GRID2: variants seen among roughly 807,000 people sequenced by gnomAD.
GRID2 encodes glutamate ionotropic receptor delta type subunit 2, also known as glutamate receptor ionotropic, delta-2.
Under a neutral mutation model 114.8 loss-of-function variants are expected in GRID2, and 33 were observed. The ratio of observed to expected loss-of-function variants is 0.29; its 90% confidence interval spans 0.22 to 0.38. The LOEUF (loss-of-function observed/expected upper bound fraction) is 0.38. Ranked by LOEUF, GRID2 falls within the 10% of genes least tolerant of loss-of-function variation. The probability of loss-of-function intolerance (pLI) is 1.00; values close to 1 mark genes in which losing one functional copy is unlikely to be tolerated. For synonymous variants in GRID2, 505 were observed against 449.9 expected (o/e 1.12, Z -1.55); for missense variants, 1,184 against 1,257.7 (o/e 0.94, Z 0.89).
intron 13 of GRID2, among the ~76,000 whole-genome samples, chr4:93,554,978 C>T (rs1734165742): frequency 1.3e-5 from 2 of 152,106 alleles, no homozygotes; most frequent in Non-Finnish European, 2.9e-5. Context: ...CAGGGTTGGG[C>T]ATCACCTCAC....
intron 1 of GRID2, among the ~76,000 whole-genome samples, chr4:93,800,208 A>C (rs1734901125): frequency 6.6e-6 from 1 of 152,228 alleles, no homozygotes; most frequent in Non-Finnish European, 1.5e-5. Flanking sequence ...ATGATATGAC[A>C]ATCAGCACGA....
intron 1 of GRID2, among the ~76,000 whole-genome samples, chr4:92,418,704 A>G (rs2110318892): frequency 6.6e-6 from 1 of 152,238 alleles, no homozygotes; most frequent in East Asian, 1.9e-4. Flanking sequence ...GATATCATTC[A>G]TCAAGTTTGG....
At chr4:92,475,811 C>A (rs1445874375) in intron 1 of GRID2, among the ~76,000 whole-genome samples, 1 of 151,796 alleles carries the variant, frequency 6.6e-6, no homozygotes, top group East Asian at 1.9e-4. Flanking sequence ...ATGTGATATC[C>A]TTTCATTTAT....
chr4:92,884,025 G>A (rs1485158372), intron 2 of GRID2, among the ~76,000 whole-genome samples: 1 of 152,150 alleles, frequency 6.6e-6, no homozygotes, highest in Non-Finnish European at 1.5e-5. Context: ...GTCCTAGATG[G>A]CGTGCTTGTC....
intron 1 of GRID2, among the ~76,000 whole-genome samples, chr4:92,529,344 C>T (rs1291786735): frequency 6.6e-6 from 1 of 152,008 alleles, no homozygotes; most frequent in Non-Finnish European, 1.5e-5. Context: ...ATTATACAAT[C>T]ACAGAGTCTT....
intron 2 of GRID2, among the ~76,000 whole-genome samples, chr4:93,074,951 A>G (rs1034368274): frequency 2.6e-5 from 4 of 152,166 alleles, no homozygotes; most frequent in Admixed American, 2.0e-4. Context: ...ATGCCTGTAT[A>G]TGTTTTTAAG....
At chr4:92,442,607 G>T (rs2149069068) in intron 1 of GRID2, among the ~76,000 whole-genome samples, 1 of 152,188 alleles carries the variant, frequency 6.6e-6, no homozygotes, top group East Asian at 1.9e-4. Flanking sequence ...TGTGGGGTTT[G>T]AGGGCCGGAA....
intron 11 of GRID2, among the ~76,000 whole-genome samples, chr4:93,472,323 CA>C (rs1316852426): frequency 4.0e-5 from 6 of 149,846 alleles, no homozygotes; most frequent in Admixed American, 6.6e-5. Flanking sequence ...AACTCCATCT[CA>C]AAAAAAAAGT....
intron 2 of GRID2, among the ~76,000 whole-genome samples, chr4:93,056,461 TAG>T (rs1475822457): frequency 6.6e-6 from 1 of 151,752 alleles, no homozygotes; most frequent in East Asian, 1.9e-4. Flanking sequence ...TAATGCTGCA[TAG>T]ACTAGAAAAA....
chr4:92,985,700 G>A (rs1172372481), intron 2 of GRID2, among the ~76,000 whole-genome samples: 8 of 152,106 alleles, frequency 5.3e-5, no homozygotes, highest in Non-Finnish European at 1.0e-4. Flanking sequence ...AAGGGGTTAA[G>A]ATATTACACT....
intron 8 of GRID2, among the ~76,000 whole-genome samples, chr4:93,348,476 A>G (rs982597706): frequency 1.3e-5 from 2 of 152,212 alleles, no homozygotes; most frequent in African/African-American, 4.8e-5. Context: ...GTGTCAATGC[A>G]GTTAATGAAA....
chr4:92,607,295 A>T (rs954636483), intron 2 of GRID2, among the ~76,000 whole-genome samples: 1 of 152,038 alleles, frequency 6.6e-6, no homozygotes, highest in Non-Finnish European at 1.5e-5. Flanking sequence ...GAAGTTATAT[A>T]TTTAAAATGT....
At chr4:92,767,994 C>A (rs1393494276) in intron 2 of GRID2, among the ~76,000 whole-genome samples, 1 of 151,372 alleles carries the variant, frequency 6.6e-6, no homozygotes, top group Admixed American at 6.6e-5. Flanking sequence ...TTGTATTCTT[C>A]TAATTATTAT....
chr4:92,808,071 TA>T (rs1740501514), intron 2 of GRID2, among the ~76,000 whole-genome samples: 1 of 151,948 alleles, frequency 6.6e-6, no homozygotes, highest in Admixed American at 6.6e-5. Context: ...AAGAGGGAGA[TA>T]AAAGTGTCAG....
chr4:93,562,921 C>T (rs746334482), intron 13 of GRID2, among the ~76,000 whole-genome samples: 1 of 151,978 alleles, frequency 6.6e-6, no homozygotes, highest in Non-Finnish European at 1.5e-5. Flanking sequence ...TACCACACTT[C>T]CTAGATTGCT....
intron 13 of GRID2, among the ~76,000 whole-genome samples, chr4:93,624,502 G>T (rs747107208): frequency 6.6e-6 from 1 of 151,726 alleles, no homozygotes. Flanking sequence ...TTTTCTTCCT[G>T]GTTTACCAAT....
chr4:92,921,954 A>G (rs760026277), intron 2 of GRID2, among the ~76,000 whole-genome samples: 2 of 152,180 alleles, frequency 1.3e-5, no homozygotes, highest in African/African-American at 2.4e-5. Context: ...GGTGGAGTCT[A>G]CAGAGGCAGG....
intron 3 of GRID2, among the ~76,000 whole-genome samples, chr4:93,090,493 G>A (rs2149328363): frequency 6.6e-6 from 1 of 152,274 alleles, no homozygotes. Flanking sequence ...TTCCAGAGCT[G>A]AAGTGGTGCC....
intron 11 of GRID2, 124 bp from the exon 12 acceptor site, chr4:93,490,515 T>C (rs1726886611): frequency 1.6e-6 from 1 of 644,184 alleles, no homozygotes; most frequent in Non-Finnish European, 2.8e-6. Flanking sequence ...TAGAGATCTA[T>C]GTTGATGTTA....
Sources: allele counts gnomAD v4.1 joint callset (sites outside exome capture counted in the v4.1 genomes callset), GRCh38; gene constraint gnomAD v4.1.1; transcripts MANE v1.5; gene names NCBI Gene and HGNC (gene_info 2026-07-23, HGNC 2026-07-21).